Variants in ZNF385D observed in about 807,000 individuals in gnomAD.
ZNF385D encodes zinc finger protein 659.
ZNF385D carries 15 observed loss-of-function variants against 35.8 expected under a neutral mutation model. The ratio of observed to expected loss-of-function variants is 0.42; its 90% CI spans 0.28 to 0.64. The LOEUF is 0.64. Among genes scored for constraint, ZNF385D ranks in the 30% least tolerant of loss-of-function variants. The probability of loss-of-function intolerance (pLI) is 0.23; values close to 1 mark genes in which losing one functional copy is unlikely to be tolerated. For missense variants in ZNF385D, 474 were observed against 494.6 expected (o/e 0.96, Z 0.39); for synonymous variants, 212 against 186.8 (o/e 1.13, Z -1.10).
intron 3 of ZNF385D, among the ~76,000 whole-genome samples, chr3:21,771,154 G>T (rs1346536742): frequency 6.6e-6 from 1 of 151,730 alleles, no homozygotes; most frequent in South Asian, 2.1e-4. Context: ...ACGAGTTAAT[G>T]GGTGCAGCAC....
intron 3 of ZNF385D, among the ~76,000 whole-genome samples, chr3:21,761,781 C>G (rs1575604711): frequency 6.7e-6 from 1 of 149,474 alleles, no homozygotes; most frequent in South Asian, 2.1e-4. Flanking sequence ...TAGCTTTTTT[C>G]AGGTATTACC....
chr3:21,968,135 T>C (rs913051117), intron 3 of ZNF385D, among the ~76,000 whole-genome samples: 1 of 152,044 alleles, frequency 6.6e-6, no homozygotes, highest in Non-Finnish European at 1.5e-5. Context: ...GGACTTCACA[T>C]TGGAATTCAG....
intron 3 of ZNF385D, among the ~76,000 whole-genome samples, chr3:21,997,648 T>C (rs1316569037): frequency 2.0e-5 from 3 of 152,156 alleles, no homozygotes; most frequent in East Asian, 1.9e-4. Context: ...TTGCATATCA[T>C]AGTTTATTTC....
intron 3 of ZNF385D, among the ~76,000 whole-genome samples, chr3:22,009,419 C>T (rs1696425715): frequency 1.3e-5 from 2 of 151,936 alleles, no homozygotes; most frequent in Non-Finnish European, 2.9e-5. Flanking sequence ...GCGAGGAGAT[C>T]GAGACCATCC....
At chr3:21,593,094 C>T (rs377614833) in intron 2 of ZNF385D, among the ~76,000 whole-genome samples, 5 of 152,264 alleles carry the variant, frequency 3.3e-5, no homozygotes, top group African/African-American at 1.2e-4. Context: ...AATGCCTTTT[C>T]CCCGGCTGCT....
intron 1 of ZNF385D, among the ~76,000 whole-genome samples, chr3:21,728,767 A>C (rs73046267): frequency 0.043 from 6,522 of 152,210 alleles, 235 homozygotes; most frequent in East Asian, 0.14. Context: ...TTACCTTCCT[A>C]ATGAGGCCCA....
At chr3:21,592,543 CAAAAAAAAAAAACCAAAAACAA>C (rs753704469) in intron 2 of ZNF385D, among the ~76,000 whole-genome samples, 1 of 124,966 alleles carries the variant, frequency 8.0e-6, no homozygotes, top group Non-Finnish European at 1.7e-5. Flanking sequence ...GTCTTCATGG[CAAAAAAAAAAAACCAAAAACAA>C]AAAAAAAAAA....
intron 2 of ZNF385D, among the ~76,000 whole-genome samples, chr3:21,630,583 T>G (rs1396745492): frequency 1.3e-5 from 2 of 152,116 alleles, no homozygotes; most frequent in Non-Finnish European, 1.5e-5. Flanking sequence ...TAACATATCA[T>G]GTACACTTAG....
At chr3:21,533,222 C>T (rs2061963939) in intron 3 of ZNF385D, among the ~76,000 whole-genome samples, 1 of 151,736 alleles carries the variant, frequency 6.6e-6, no homozygotes, top group Non-Finnish European at 1.5e-5. Flanking sequence ...AGCACTTCAC[C>T]ATTTAACATG....
intron 3 of ZNF385D, among the ~76,000 whole-genome samples, chr3:21,764,393 T>C (rs2070743231): frequency 6.6e-6 from 1 of 152,146 alleles, no homozygotes; most frequent in Admixed American, 6.6e-5. Context: ...ATTCAAAATG[T>C]AGAATGGTTA....
chr3:22,049,009 T>C (rs1045894439), intron 3 of ZNF385D, among the ~76,000 whole-genome samples: 1 of 152,086 alleles, frequency 6.6e-6, no homozygotes, highest in African/African-American at 2.4e-5. Context: ...AGAAATGCTG[T>C]TAATTGGCCG....
chr3:22,192,131 C>G (rs1395362833), intron 2 of ZNF385D, among the ~76,000 whole-genome samples: 1 of 152,010 alleles, frequency 6.6e-6, no homozygotes, highest in Non-Finnish European at 1.5e-5. Context: ...GAAACATGGC[C>G]CCAAGACTAA....
rs539969888 is a variant in ZNF385D, at chr3:21,612,535, T to C, written c.166-47851A>G. 3.3e-5 allele frequency among the ~76,000 whole-genome samples: 5 copies of C among 152,344 alleles called. No homozygotes were observed. In the South Asian group the frequency reaches 8.3e-4, roughly 25 times the overall value. On this transcript the variant is annotated intron_variant, in intron 2 of 7. Coordinates refer to ENST00000281523, the MANE Select transcript of ZNF385D (RefSeq NM_024697.3). ...GAAATATATATTTAACTATGTATAC[T>C]ACCTTGTGGGAGAACCTATTCATTT... is the stretch of plus-strand genomic sequence containing the variant.
At chr3:21,448,291 A>AT (rs1048280784) in intron 4 of ZNF385D, among the ~76,000 whole-genome samples, 2 of 152,134 alleles carry the variant, frequency 1.3e-5, no homozygotes, top group Non-Finnish European at 2.9e-5. Flanking sequence ...TTGAGAAAAC[A>AT]TTTTTTTAAC....
chr3:21,608,727 C>T (rs1272464505), intron 2 of ZNF385D, among the ~76,000 whole-genome samples: 13 of 152,128 alleles, frequency 8.5e-5, no homozygotes, highest in Admixed American at 8.5e-4. Flanking sequence ...CTAGATAAAG[C>T]TTGATTTTTG....
In ZNF385D at chr3:21,746,292, A is replaced by C. The variant is rs148204104; in HGVS notation, c.22+4603T>G. Among the ~76,000 whole-genome samples, 285 of 152,348 alleles carry C rather than the reference A, an allele frequency of 1.9e-3. 1 individual carries two copies. Among genetic ancestry groups the C allele is most frequent in the African/African-American group, 6.7e-3 (279 of 41,588 alleles). Reference sequence around the variant, plus strand: ...GCATACCTCATTTCCATATAATTACAACAACTGTGGAGGTCCTTTTAAAAA... The same window carrying C: ...GCATACCTCATTTCCATATAATTACCACAACTGTGGAGGTCCTTTTAAAAA... On this transcript the variant is annotated intron_variant, in intron 1 of 7. Coordinates refer to ENST00000281523, the MANE Select transcript of ZNF385D (RefSeq NM_024697.3).
At chr3:21,471,621 C>A (rs1174472070) in intron 4 of ZNF385D, among the ~76,000 whole-genome samples, 1 of 152,064 alleles carries the variant, frequency 6.6e-6, no homozygotes, top group African/African-American at 2.4e-5. Context: ...GAGGATGGAA[C>A]ACAGAGAAAC....
At chr3:22,255,178 A>T (rs1290332258) in intron 2 of ZNF385D, among the ~76,000 whole-genome samples, 1 of 151,610 alleles carries the variant, frequency 6.6e-6, no homozygotes, top group Non-Finnish European at 1.5e-5. Context: ...AAAAATGCTC[A>T]TAAGAAAAAA....
intron 3 of ZNF385D, among the ~76,000 whole-genome samples, chr3:21,920,100 G>C (rs1449271867): frequency 6.6e-6 from 1 of 152,106 alleles, no homozygotes; most frequent in Non-Finnish European, 1.5e-5. Context: ...TTTTTAAATG[G>C]TTAAAAGGAA....
Sources: gnomAD v4.1 joint callset for allele counts (sites outside exome capture counted in the v4.1 genomes callset) on GRCh38, gnomAD v4.1.1 for gene constraint, MANE v1.5 for transcripts, NCBI Gene and HGNC (gene_info 2026-07-23, HGNC 2026-07-21) for gene names.